GPR137B: variants seen among roughly 807,000 people sequenced by gnomAD.
GPR137B encodes the protein integral membrane protein GPR137B.
Under a neutral mutation model 42.5 loss-of-function variants are expected in GPR137B, and 42 were observed. That is an observed-to-expected ratio of 0.99 (90% CI 0.77 to 1.28). GPR137B has a LOEUF of 1.28. Ranked by LOEUF, GPR137B falls within the 50% of genes most tolerant of loss-of-function variation. The pLI, the probability that GPR137B is intolerant of heterozygous loss-of-function variation, is 0.00. For synonymous variants in GPR137B, 218 were observed against 209.7 expected (o/e 1.04, Z -0.34); for missense variants, 487 against 493.9 (o/e 0.99, Z 0.13).
At chr1:236,181,864 A>G (rs10924546) in intron 4 of GPR137B, among the ~76,000 whole-genome samples, 11,088 of 149,274 alleles carry the variant, frequency 0.074, 1,273 homozygotes, top group African/African-American at 0.24. Flanking sequence ...TTGATTTTGT[A>G]TTGTAGTAAA....
At chr1:236,147,322 G>A (rs1373959591) in intron 1 of GPR137B, among the ~76,000 whole-genome samples, 4 of 152,212 alleles carry the variant, frequency 2.6e-5, no homozygotes, top group Non-Finnish European at 5.9e-5. Flanking sequence ...CCGCCTCTGT[G>A]GGTAACTGCC....
At chr1:236,157,975 C>T (rs894337219) in intron 1 of GPR137B, among the ~76,000 whole-genome samples, 9 of 152,270 alleles carry the variant, frequency 5.9e-5, no homozygotes, top group African/African-American at 1.9e-4. Flanking sequence ...CCATACTGGA[C>T]GGTACTCTGT....
At chr1:236,185,382 C>G (rs1439052011) in intron 5 of GPR137B, among the ~76,000 whole-genome samples, 1 of 152,156 alleles carries the variant, frequency 6.6e-6, no homozygotes, top group Non-Finnish European at 1.5e-5. Flanking sequence ...ACGAGATACT[C>G]AAAGTGCGGC....
Position 236,171,067 on chromosome 1 carries a change from TGTTTC to T in GPR137B, c.464+2313_464+2317del, listed in dbSNP as rs1662523134. Reference sequence around the variant, plus strand: ...ACAAATCTAACACGAAATGTATTTATGTTTCAGATACACCTTATACACATATCCTG... The same window carrying T: ...ACAAATCTAACACGAAATGTATTTATAGATACACCTTATACACATATCCTG... On this transcript the variant is annotated intron_variant, in intron 2 of 6. Transcript: ENST00000366592. The surrounding 1 kb of genome is among the most constrained non-coding windows in gnomAD (Gnocchi z 4.4). 6.6e-6 allele frequency among the ~76,000 whole-genome samples: 1 copy of T among 152,224 alleles called. No individual in the cohort carries two copies. Among genetic ancestry groups the T allele is most frequent in the Non-Finnish European group, 1.5e-5 (1 of 68,022 alleles).
At chr1:236,180,137 GA>G in intron 4 of GPR137B, 109 bp downstream of exon 4, 1 of 812,358 alleles carries the variant, frequency 1.2e-6, no homozygotes, top group Non-Finnish European at 2.1e-6. Context: ...TCAAGTCCCT[GA>G]TATAAAATGG....
chr1:236,184,043 T>C, intron 5 of GPR137B, 137 bp downstream of exon 5: 1 of 579,722 alleles, frequency 1.7e-6, no homozygotes. Flanking sequence ...CTTGACTATT[T>C]TATTGAGACA....
At chr1:236,193,592 G>C (rs545429125) in intron 5 of GPR137B, among the ~76,000 whole-genome samples, 1 of 152,030 alleles carries the variant, frequency 6.6e-6, no homozygotes, top group Admixed American at 6.5e-5. Context: ...TCTCCTTTTG[G>C]CTTCTGATGT....
At chr1:236,163,088 C>T (rs2102899706) in intron 1 of GPR137B, among the ~76,000 whole-genome samples, 1 of 152,332 alleles carries the variant, frequency 6.6e-6, no homozygotes, top group South Asian at 2.1e-4. Context: ...TGCCCAAGAC[C>T]ATGGGAACCC....
At chr1:236,178,866 C>T (rs541911252) in intron 3 of GPR137B, among the ~76,000 whole-genome samples, 12 of 120,722 alleles carry the variant, frequency 9.9e-5, no homozygotes, top group African/African-American at 3.4e-4. Flanking sequence ...GGGGTGATCT[C>T]GGCTCACTGC....
intron 1 of GPR137B, among the ~76,000 whole-genome samples, chr1:236,149,645 GA>G (rs900555112): frequency 6.6e-6 from 1 of 152,246 alleles, no homozygotes; most frequent in African/African-American, 2.4e-5. Flanking sequence ...TAGGAGTTGT[GA>G]AGAGGGAAGC....
At chr1:236,204,307 A>C (rs1663585022) in intron 5 of GPR137B, among the ~76,000 whole-genome samples, 2 of 152,130 alleles carry the variant, frequency 1.3e-5, no homozygotes, top group South Asian at 4.1e-4. Context: ...AATTTGGTTT[A>C]CTAGTATTTT....
rs1358070942 is a variant in GPR137B at position 236,155,896 on chromosome 1, G to A, written c.415-12810G>A. 1.3e-5 allele frequency among the ~76,000 whole-genome samples: 2 copies of A among 152,244 alleles called. No homozygotes were observed. The highest frequency in any genetic ancestry group is 2.9e-5 in the Non-Finnish European group (2 of 68,040). On this transcript the variant is annotated intron_variant, in intron 1 of 6. Coordinates refer to ENST00000366592, the MANE Select transcript of GPR137B (RefSeq NM_003272.4). This position sits in a 1 kb window ranked among gnomAD's most constrained non-coding sequence, Gnocchi z 4.6. ...GTGAGGACCAAGGTAGGGACATCCTGGGTGGGAGCTGAGCTCCTGCCTTGT... is the reference window on the plus strand; with the variant it reads ...GTGAGGACCAAGGTAGGGACATCCTAGGTGGGAGCTGAGCTCCTGCCTTGT...
At chr1:236,193,158 G>T (rs1049274240) in intron 5 of GPR137B, among the ~76,000 whole-genome samples, 2 of 152,040 alleles carry the variant, frequency 1.3e-5, no homozygotes, top group African/African-American at 4.8e-5. Context: ...GCCTCCCAAA[G>T]TGCTGGGATT....
rs368661243 is a variant in GPR137B at position 236,156,696 on chromosome 1, C to A, written c.415-12010C>A. ...TTTCGGGGACCGACTGTCTTGTCAC[C>A]CTGCTCTGCTGAGTGAGGATGCTCA... On this transcript the variant is annotated intron_variant, in intron 1 of 6. Transcript: ENST00000366592. This position sits in a 1 kb window ranked among gnomAD's most constrained non-coding sequence, Gnocchi z 4.8. Among the ~76,000 whole-genome samples, 4 of 152,158 alleles carry A rather than the reference C, an allele frequency of 2.6e-5. No homozygotes were observed. In the East Asian group the frequency reaches 7.7e-4, roughly 29 times the overall value.
At chr1:236,208,022 G>C (rs375799931) in intron 6 of GPR137B, 28 bp from the exon 7 acceptor site, 459 of 1,535,320 alleles carry the variant, frequency 3.0e-4, no homozygotes, top group South Asian at 1.5e-3. Flanking sequence ...AATGTTTCAA[G>C]TCACTGAAAT....
chr1:236,208,305 C>T lies in GPR137B; in HGVS notation c.*147C>T. 1 of 1,439,230 alleles carries T rather than the reference C, an allele frequency of 6.9e-7. No homozygotes were observed. Among genetic ancestry groups the T allele is most frequent in the Non-Finnish European group, 9.1e-7 (1 of 1,100,504 alleles). 89.2% of individuals were successfully genotyped at this position (1,439,230 alleles called of 1,614,324 possible). A position where few individuals can be genotyped will look rare whatever the true frequency, so the allele number is the denominator to read the frequency against. ...TTTCCAATGGCCCCATAGGAATAAGCAATAATGTAGACTGATAAACCCTTA... is the reference window on the plus strand; with the variant it reads ...TTTCCAATGGCCCCATAGGAATAAGTAATAATGTAGACTGATAAACCCTTA... On this transcript the variant is annotated 3_prime_UTR_variant, in exon 7 of 7. Coordinates refer to ENST00000366592, the MANE Select transcript of GPR137B (RefSeq NM_003272.4).
Position 236,155,438 on chromosome 1 carries a change from G to C in GPR137B, c.414+12402G>C, listed in dbSNP as rs879399906. ...CACCCCTGAATCCAGGTGCTCAGGGGACAAGAGACAATTCAGAAAAGCAGG... is the reference window on the plus strand; with the variant it reads ...CACCCCTGAATCCAGGTGCTCAGGGCACAAGAGACAATTCAGAAAAGCAGG... On this transcript the variant is annotated intron_variant, in intron 1 of 6. Transcript: ENST00000366592. The surrounding 1 kb of genome is among the most constrained non-coding windows in gnomAD (Gnocchi z 4.6). Among the ~76,000 whole-genome samples, 1 of 152,346 alleles carries C rather than the reference G, an allele frequency of 6.6e-6. No homozygotes were observed. Among genetic ancestry groups the C allele is most frequent in the Middle Eastern group, 3.4e-3 (1 of 294 alleles).
intron 2 of GPR137B, among the ~76,000 whole-genome samples, chr1:236,176,042 G>T (rs906833226): frequency 5.9e-5 from 9 of 152,148 alleles, no homozygotes; most frequent in African/African-American, 2.2e-4. Context: ...TGAAGGATAG[G>T]CACTTAGTGG....
At chr1:236,187,710 C>T (rs1466812489) in intron 5 of GPR137B, among the ~76,000 whole-genome samples, 1 of 148,418 alleles carries the variant, frequency 6.7e-6, no homozygotes, top group Non-Finnish European at 1.5e-5. Flanking sequence ...GGTACCAGTA[C>T]CATGCTGTTT....
Sources: allele counts gnomAD v4.1 joint callset (sites outside exome capture counted in the v4.1 genomes callset), GRCh38; gene constraint gnomAD v4.1.1; non-coding constraint Gnocchi (gnomAD v3.1); transcripts MANE v1.5; gene names NCBI Gene and HGNC (gene_info 2026-07-23, HGNC 2026-07-21).